RNF111: variants seen among roughly 807,000 people sequenced by gnomAD.
RNF111 encodes the protein ring finger protein 111.
A neutral mutation model predicts 95.1 loss-of-function variants in RNF111; 17 were observed. That is an observed-to-expected ratio of 0.18 (90% CI 0.12 to 0.27). RNF111 has a LOEUF of 0.27. RNF111 is among the 10% of genes least tolerant of loss of function. The pLI is 1.00. For synonymous variants in RNF111, 440 were observed against 414.8 expected (o/e 1.06, Z -0.74); for missense variants, 1,189 against 1,210.4 (o/e 0.98, Z 0.26).
chr15:59,046,340 C>T (rs2041708402), intron 2 of RNF111, among the ~76,000 whole-genome samples: 1 of 151,984 alleles, frequency 6.6e-6, no homozygotes, highest in Non-Finnish European at 1.5e-5. Context: ...ACTGCAGGCA[C>T]ATGCCACCAC....
intron 2 of RNF111, among the ~76,000 whole-genome samples, chr15:59,051,300 A>C (rs2041968633): frequency 6.6e-6 from 1 of 150,890 alleles, no homozygotes; most frequent in African/African-American, 2.4e-5. Context: ...AAAAATAAAC[A>C]AAAAAAAATT....
In RNF111 at chr15:59,031,352, A is replaced by G. The variant is rs1404224941; in HGVS notation, c.530A>G (p.His177Arg). The change falls in exon 2 of 14, where the codon CAT (histidine) becomes CGT (arginine). Residue 177 changes from histidine to arginine, a missense_variant. His to Arg is a conservative substitution (Grantham distance 29). Transcript: ENST00000348370. ...QTILNAKSRS[H>R]SARSHKWPRT... ...ATTTTGAATGCTAAAAGTAGAAGCC[A>G]TAGTGCACGGTCTCATAAGTGGCCT... The G allele has an allele frequency of 2.5e-6, 4 of 1,614,080 alleles. No homozygotes were observed. Among genetic ancestry groups the G allele is most frequent in the African/African-American group, 2.7e-5 (2 of 74,938 alleles).
At chr15:59,081,719 T>C (rs181375893) in intron 8 of RNF111, among the ~76,000 whole-genome samples, 69 of 152,012 alleles carry the variant, frequency 4.5e-4, no homozygotes, top group South Asian at 8.3e-4. Context: ...CCCTGTGTCC[T>C]TTAACAACAG....
At position 58,998,908 on chromosome 15, in the gene RNF111, A is replaced by G. The variant is rs552399962; in HGVS notation, c.-20+10840A>G. ...AAACAATATTTTTCAGATGACCATG[A>G]TGTTACAAAGTCATGTCTGGGTGAA... On this transcript the variant is annotated intron_variant, in intron 1 of 13. Transcript: ENST00000348370. Among the ~76,000 whole-genome samples, 3 of 152,332 alleles carry G rather than the reference A, an allele frequency of 2.0e-5. No homozygotes were observed. In the South Asian group the frequency reaches 6.2e-4, roughly 32 times the overall value.
chr15:59,010,343 G>A (rs1161540992), intron 1 of RNF111, among the ~76,000 whole-genome samples: 1 of 152,106 alleles, frequency 6.6e-6, no homozygotes, highest in Non-Finnish European at 1.5e-5. Flanking sequence ...TATTTTTGCA[G>A]CTGTGTCTGT....
chr15:58,993,756 G>A (rs2038922690), intron 1 of RNF111, among the ~76,000 whole-genome samples: 1 of 152,194 alleles, frequency 6.6e-6, no homozygotes, highest in African/African-American at 2.4e-5. Context: ...GTGGAAAGGA[G>A]AGTTTGGCAG....
At chr15:58,995,152 A>C (rs1327868468) in intron 1 of RNF111, among the ~76,000 whole-genome samples, 1 of 152,168 alleles carries the variant, frequency 6.6e-6, no homozygotes, top group East Asian at 1.9e-4. Context: ...CCTGTTCCTC[A>C]TCACTCCCCA....
intron 1 of RNF111, among the ~76,000 whole-genome samples, chr15:59,014,897 T>G (rs2039996130): frequency 6.6e-6 from 1 of 152,026 alleles, no homozygotes; most frequent in Admixed American, 6.6e-5. Context: ...CTGGGACATG[T>G]GTGCGCCACC....
chr15:59,057,741 T>C (rs906925379), intron 4 of RNF111, among the ~76,000 whole-genome samples: 8 of 152,336 alleles, frequency 5.3e-5, no homozygotes, highest in Non-Finnish European at 1.2e-4. Context: ...AAAACAGTTA[T>C]TGGAAATCAT....
intron 3 of RNF111, among the ~76,000 whole-genome samples, chr15:59,053,381 A>G (rs2042072525): frequency 6.6e-6 from 1 of 152,194 alleles, no homozygotes; most frequent in Non-Finnish European, 1.5e-5. Context: ...CCCAACTAAT[A>G]ATCTAACGGA....
chr15:59,059,786 T>C (rs2042356607), intron 5 of RNF111, among the ~76,000 whole-genome samples: 1 of 152,220 alleles, frequency 6.6e-6, no homozygotes, highest in African/African-American at 2.4e-5. Context: ...TTTTGGATAA[T>C]GGTACAGAGA....
At chr15:59,090,208 T>G (rs1466493743) in intron 11 of RNF111, among the ~76,000 whole-genome samples, 1 of 151,302 alleles carries the variant, frequency 6.6e-6, no homozygotes, top group Non-Finnish European at 1.5e-5. Context: ...TGGTTTGTTT[T>G]TTTGTTTGTT....
chr15:58,990,377 G>A (rs918312423), intron 1 of RNF111, among the ~76,000 whole-genome samples: 4 of 152,134 alleles, frequency 2.6e-5, no homozygotes, highest in Admixed American at 1.3e-4. Context: ...ATGAAGCTGT[G>A]GGCCAGGCGT....
intron 1 of RNF111, among the ~76,000 whole-genome samples, chr15:58,997,355 G>C (rs1351231298): frequency 6.6e-6 from 1 of 152,092 alleles, no homozygotes; most frequent in Non-Finnish European, 1.5e-5. Context: ...ATATTACCAA[G>C]TTCTCATTTT....
chr15:59,072,665 G>A (rs774741350), intron 6 of RNF111, among the ~76,000 whole-genome samples: 1 of 151,422 alleles, frequency 6.6e-6, no homozygotes, highest in Non-Finnish European at 1.5e-5. Context: ...TGATAGCCAC[G>A]TTGGTCTCAA....
At chr15:59,008,011 G>C (rs2039618919) in intron 1 of RNF111, among the ~76,000 whole-genome samples, 1 of 152,136 alleles carries the variant, frequency 6.6e-6, no homozygotes, top group South Asian at 2.1e-4. Context: ...TTTTGATAAA[G>C]TCAAGCTTAC....
intron 2 of RNF111, among the ~76,000 whole-genome samples, chr15:59,046,408 G>A (rs761338299): frequency 3.3e-5 from 5 of 152,140 alleles, no homozygotes; most frequent in Admixed American, 2.6e-4. Flanking sequence ...ACCCAGGCTG[G>A]TCTCGCACTC....
intron 7 of RNF111, among the ~76,000 whole-genome samples, chr15:59,078,717 G>T (rs1166873926): frequency 1.3e-5 from 2 of 152,104 alleles, no homozygotes; most frequent in African/African-American, 4.8e-5. Context: ...AAACTAGCCG[G>T]GTGTGGTGGC....
intron 2 of RNF111, among the ~76,000 whole-genome samples, chr15:59,039,599 C>T (rs111491282): frequency 0.025 from 3,843 of 152,248 alleles, 64 homozygotes; most frequent in Middle Eastern, 0.041. Context: ...GGTCATTGTC[C>T]TTTTGATGCC....
Sources: allele counts gnomAD v4.1 joint callset (sites outside exome capture counted in the v4.1 genomes callset), GRCh38; gene constraint gnomAD v4.1.1; transcripts MANE v1.5; gene names NCBI Gene and HGNC (gene_info 2026-07-23, HGNC 2026-07-21).